SPOCK1: variants seen among roughly 807,000 people sequenced by gnomAD.
The protein encoded by SPOCK1 is testican-1.
A neutral mutation model predicts 55.3 loss-of-function variants in SPOCK1; 23 were observed. The observed-to-expected ratio is 0.42, with a 90% confidence interval of 0.30 to 0.59. The LOEUF is 0.59. SPOCK1 is among the 20% of genes least tolerant of loss of function. SPOCK1 has a pLI of 0.22. For missense variants in SPOCK1, 499 were observed against 552.5 expected (o/e 0.90, Z 0.97); for synonymous variants, 226 against 221.0 (o/e 1.02, Z -0.20).
chr5:137,218,285 T>C (rs1413983730), intron 3 of SPOCK1, among the ~76,000 whole-genome samples: 1 of 152,212 alleles, frequency 6.6e-6, no homozygotes, highest in African/African-American at 2.4e-5. Context: ...AAGATCTCCC[T>C]ATGCAAAGGA....
At chr5:137,101,615 A>G (rs1347861707) in intron 5 of SPOCK1, among the ~76,000 whole-genome samples, 1 of 152,224 alleles carries the variant, frequency 6.6e-6, no homozygotes, top group African/African-American at 2.4e-5. Context: ...CTCTAACTTC[A>G]TGACTAATCT....
At chr5:137,013,494 T>G (rs1331207774) in intron 6 of SPOCK1, among the ~76,000 whole-genome samples, 2 of 152,194 alleles carry the variant, frequency 1.3e-5, no homozygotes, top group Non-Finnish European at 2.9e-5. Flanking sequence ...CACACAACAT[T>G]TTTTATGTGC....
intron 2 of SPOCK1, among the ~76,000 whole-genome samples, chr5:137,350,240 T>C (rs1750650208): frequency 6.6e-6 from 1 of 151,838 alleles, no homozygotes; most frequent in Admixed American, 6.6e-5. Flanking sequence ...GCCAATGAGG[T>C]GGAGAAAACC....
chr5:137,298,370 T>A (rs148751093), intron 2 of SPOCK1, among the ~76,000 whole-genome samples: 31 of 152,326 alleles, frequency 2.0e-4, no homozygotes, highest in African/African-American at 6.3e-4. Flanking sequence ...ACAAACTTCA[T>A]AACATTTCAA....
chr5:137,447,891 C>G (rs1753163252), intron 2 of SPOCK1, among the ~76,000 whole-genome samples: 1 of 152,182 alleles, frequency 6.6e-6, no homozygotes, highest in Admixed American at 6.5e-5. Context: ...GGCTTGATGC[C>G]TGGCTTTCCA....
At chr5:137,463,893 AGCCAAGATTACACCGCTGC>A (rs1257114662) in intron 2 of SPOCK1, among the ~76,000 whole-genome samples, 1 of 152,218 alleles carries the variant, frequency 6.6e-6, no homozygotes, top group Non-Finnish European at 1.5e-5. Flanking sequence ...GGTTGGAGCA[AGCCAAGATTACACCGCTGC>A]ACTCCAGCCT....
At chr5:137,388,845 A>G (rs949455716) in intron 2 of SPOCK1, among the ~76,000 whole-genome samples, 2 of 152,220 alleles carry the variant, frequency 1.3e-5, no homozygotes, top group Non-Finnish European at 2.9e-5. Context: ...AAGAAAATCT[A>G]TCTGAGGGAT....
intron 2 of SPOCK1, among the ~76,000 whole-genome samples, chr5:137,425,776 A>T (rs1752595739): frequency 6.6e-6 from 1 of 152,200 alleles, no homozygotes; most frequent in African/African-American, 2.4e-5. Flanking sequence ...AAAGGATAAA[A>T]TGAAAATGTT....
chr5:137,189,581 C>T (rs962891192), intron 3 of SPOCK1, among the ~76,000 whole-genome samples: 2 of 152,186 alleles, frequency 1.3e-5, no homozygotes, highest in African/African-American at 4.8e-5. Flanking sequence ...ACTGCTCATT[C>T]ACAATGCATC....
chr5:137,376,535 T>TG (rs1052000285), intron 2 of SPOCK1, among the ~76,000 whole-genome samples: 5 of 152,182 alleles, frequency 3.3e-5, no homozygotes, highest in African/African-American at 9.6e-5. Context: ...TCCCCAGGGA[T>TG]GGGGGCAGAG....
Position 137,382,706 on chromosome 5 carries a change from G to C in SPOCK1, c.187-115651C>G, listed in dbSNP as rs527605820. On this transcript the variant is annotated intron_variant, in intron 2 of 10. Transcript: ENST00000394945. ...ATTCACTATCATGAGAACAGCATGGGGGAAATCCACCCCCATAAGCCAATC... is the reference window on the plus strand; with the variant it reads ...ATTCACTATCATGAGAACAGCATGGCGGAAATCCACCCCCATAAGCCAATC... Among the ~76,000 whole-genome samples the C allele has an allele frequency of 2.0e-5, 3 of 152,202 alleles. No individual in the cohort carries two copies. In the East Asian group the frequency reaches 5.8e-4, roughly 29 times the overall value.
At chr5:137,475,293 C>A (rs1405913055) in intron 2 of SPOCK1, among the ~76,000 whole-genome samples, 1 of 152,120 alleles carries the variant, frequency 6.6e-6, no homozygotes, top group Non-Finnish European at 1.5e-5. Flanking sequence ...GAAGGACCCC[C>A]CTCGCCCCCA....
chr5:137,304,088 T>C (rs1757657453), intron 2 of SPOCK1, among the ~76,000 whole-genome samples: 1 of 146,334 alleles, frequency 6.8e-6, no homozygotes, highest in African/African-American at 2.5e-5. Context: ...TTTTTGGTTC[T>C]GTTATAAAAG....
At chr5:136,999,059 CCAAGG>C (rs1174370708) in intron 6 of SPOCK1, among the ~76,000 whole-genome samples, 1 of 152,178 alleles carries the variant, frequency 6.6e-6, no homozygotes, top group Non-Finnish European at 1.5e-5. Flanking sequence ...CCCCCTCCAC[CCAAGG>C]CATGGAGCTT....
At chr5:136,987,047 GA>G (rs1561571555) in intron 8 of SPOCK1, among the ~76,000 whole-genome samples, 3 of 134,688 alleles carry the variant, frequency 2.2e-5, no homozygotes, top group Non-Finnish European at 5.0e-5. Flanking sequence ...GTCTAAAACT[GA>G]TTTATTTTAT....
rs144323851 is a variant in SPOCK1 at position 137,161,260 on chromosome 5, T to C, written c.233-20566A>G. Reference sequence around the variant, plus strand: ...TACATGAGGCAAGAAAATACAGACTTCTTAAAATGGGATCACTTCTACTTT... The same window carrying C: ...TACATGAGGCAAGAAAATACAGACTCCTTAAAATGGGATCACTTCTACTTT... On this transcript the variant is annotated intron_variant, in intron 3 of 10. Coordinates refer to ENST00000394945, the MANE Select transcript of SPOCK1 (RefSeq NM_004598.4). Among the ~76,000 whole-genome samples, 503 of 151,748 alleles carry C rather than the reference T, an allele frequency of 3.3e-3. 6 individuals carry two copies. The highest frequency in any genetic ancestry group is 0.012 in the African/African-American group (484 of 41,392).
intron 2 of SPOCK1, among the ~76,000 whole-genome samples, chr5:137,377,942 CTTTTTTTTT>C (rs3043282): frequency 2.9e-5 from 3 of 104,626 alleles, no homozygotes; most frequent in African/African-American, 1.1e-4. Context: ...TCACTTCTTC[CTTTTTTTTT>C]TTTTTTTTTT....
intron 2 of SPOCK1, among the ~76,000 whole-genome samples, chr5:137,445,106 C>T (rs1382191099): frequency 6.6e-6 from 1 of 152,220 alleles, no homozygotes; most frequent in Non-Finnish European, 1.5e-5. Context: ...CAGGTAAACA[C>T]TCCAAAAGGA....
chr5:137,232,718 A>C (rs1438620080), intron 3 of SPOCK1, among the ~76,000 whole-genome samples: 2 of 152,358 alleles, frequency 1.3e-5, no homozygotes, highest in Middle Eastern at 3.4e-3. Flanking sequence ...TGTTTACCAA[A>C]AAACCTTGCT....
Sources: gnomAD v4.1 joint callset for allele counts (sites outside exome capture counted in the v4.1 genomes callset) on GRCh38, gnomAD v4.1.1 for gene constraint, MANE v1.5 for transcripts, NCBI Gene and HGNC (gene_info 2026-07-23, HGNC 2026-07-21) for gene names.